MYO3B: variants seen among roughly 807,000 people sequenced by gnomAD.
The protein encoded by MYO3B is myosin IIIB.
MYO3B carries 156 observed loss-of-function variants against 174.6 expected under a neutral mutation model. The observed-to-expected ratio is 0.89, with a 90% CI of 0.78 to 1.02. The LOEUF (loss-of-function observed/expected upper bound fraction) is 1.02. MYO3B is among the 50% of genes least tolerant of loss of function. The pLI, the probability that MYO3B is intolerant of heterozygous loss-of-function variation, is 0.00. For synonymous variants in MYO3B, 563 were observed against 569.1 expected (o/e 0.99, Z 0.15); for missense variants, 1,632 against 1,639.4 (o/e 1.00, Z 0.08).
At chr2:170,183,038 C>G (rs2092422202) in intron 1 of MYO3B, among the ~76,000 whole-genome samples, 1 of 152,148 alleles carries the variant, frequency 6.6e-6, no homozygotes, top group South Asian at 2.1e-4. Flanking sequence ...GGTGGATTGC[C>G]TGAGCTCAGG....
At chr2:170,599,859 C>G (rs1209484693) in intron 32 of MYO3B, among the ~76,000 whole-genome samples, 2 of 152,164 alleles carry the variant, frequency 1.3e-5, no homozygotes, top group Non-Finnish European at 2.9e-5. Context: ...TAAATATTCA[C>G]CCATATTTGC....
At chr2:170,498,571 C>T in intron 25 of MYO3B, 21 bp from the exon 26 acceptor site, 1 of 1,562,476 alleles carries the variant, frequency 6.4e-7, no homozygotes, top group Non-Finnish European at 8.8e-7. Context: ...AAAGGCTTCA[C>T]TTAATTCTTT....
intron 6 of MYO3B, among the ~76,000 whole-genome samples, chr2:170,228,855 G>A (rs1175357504): frequency 6.7e-6 from 1 of 149,914 alleles, no homozygotes. Context: ...CAATTTCATA[G>A]TGTACAAAAT....
chr2:170,489,119 G>T (rs1472999542), intron 25 of MYO3B, among the ~76,000 whole-genome samples: 2 of 152,238 alleles, frequency 1.3e-5, no homozygotes, highest in Admixed American at 6.5e-5. Flanking sequence ...AAAGAAGCCT[G>T]AATTAGAAGA....
At chr2:170,234,207 A>AG (rs1420130948) in intron 6 of MYO3B, among the ~76,000 whole-genome samples, 1 of 134,804 alleles carries the variant, frequency 7.4e-6, no homozygotes, top group African/African-American at 3.7e-5. Context: ...ACAAAAAAAA[A>AG]ACACCTGTTT....
At chr2:170,323,401 T>G (rs142713846) in intron 7 of MYO3B, among the ~76,000 whole-genome samples, 1 of 152,206 alleles carries the variant, frequency 6.6e-6, no homozygotes, top group African/African-American at 2.4e-5. Flanking sequence ...AAGAATAATA[T>G]GCTTGAGTTG....
chr2:170,648,941 A>G (rs1575340597), intron 32 of MYO3B, among the ~76,000 whole-genome samples: 1 of 74,550 alleles, frequency 1.3e-5, no homozygotes, highest in Admixed American at 2.2e-4. Context: ...ATGATATATA[A>G]TATATATAAA....
At position 170,263,473 on chromosome 2, in the gene MYO3B, T is replaced by G. The variant is rs1574676868; in HGVS notation, c.749+27337T>G. ...CCCTCAGTATTTATTGATCGTTATC[T>G]CTACCATCTCGGAGAGGGGGATGTG... On this transcript the variant is annotated intron_variant, in intron 7 of 34. Coordinates refer to ENST00000408978, the MANE Select transcript of MYO3B (RefSeq NM_138995.5). Among the ~76,000 whole-genome samples, 3 of 151,998 alleles carry G rather than the reference T, an allele frequency of 2.0e-5. No homozygotes were observed. The East Asian group carries it at 5.8e-4, about 29-fold the overall frequency.
At chr2:170,419,782 G>T (rs1312286692) in intron 22 of MYO3B, among the ~76,000 whole-genome samples, 1 of 152,140 alleles carries the variant, frequency 6.6e-6, no homozygotes. Flanking sequence ...TAGAGAAGGT[G>T]AGCGGAGAGA....
At chr2:170,184,023 A>ATT (rs150712095) in intron 1 of MYO3B, among the ~76,000 whole-genome samples, 3 of 151,370 alleles carry the variant, frequency 2.0e-5, no homozygotes, top group East Asian at 3.9e-4. Context: ...CTAATAGCTG[A>ATT]TTTTTTTTCT....
At chr2:170,260,528 G>T (rs987716333) in intron 7 of MYO3B, among the ~76,000 whole-genome samples, 11 of 152,310 alleles carry the variant, frequency 7.2e-5, no homozygotes, top group African/African-American at 2.6e-4. Flanking sequence ...ATAAAGATTG[G>T]AACAGTAGAC....
intron 22 of MYO3B, among the ~76,000 whole-genome samples, chr2:170,425,059 C>G (rs532340152): frequency 6.6e-6 from 1 of 152,242 alleles, no homozygotes; most frequent in South Asian, 2.1e-4. Flanking sequence ...ACTCTAAAAT[C>G]TTTTTATAAT....
chr2:170,597,133 C>T (rs2106334811), intron 32 of MYO3B, among the ~76,000 whole-genome samples: 1 of 152,138 alleles, frequency 6.6e-6, no homozygotes, highest in Admixed American at 6.5e-5. Flanking sequence ...ACTACGGAGC[C>T]ACCATGGAAC....
chr2:170,226,660 C>G (rs1190802551), intron 6 of MYO3B, among the ~76,000 whole-genome samples: 5 of 152,074 alleles, frequency 3.3e-5, no homozygotes, highest in Non-Finnish European at 4.4e-5. Context: ...TATGTTATTA[C>G]CCTCTTCCTG....
chr2:170,644,155 A>G (rs1309565224), intron 32 of MYO3B, among the ~76,000 whole-genome samples: 9 of 152,192 alleles, frequency 5.9e-5, no homozygotes, highest in Admixed American at 5.9e-4. Flanking sequence ...ACAAATAGAA[A>G]TGCAGTACAC....
chr2:170,534,688 T>G (rs1188970391), intron 30 of MYO3B, among the ~76,000 whole-genome samples: 1 of 152,168 alleles, frequency 6.6e-6, no homozygotes, highest in African/African-American at 2.4e-5. Context: ...AGTCCTCTCA[T>G]CTTGGCCTCC....
At chr2:170,405,505 T>G in intron 20 of MYO3B, 40 bp from the exon 21 acceptor site, 2 of 1,598,236 alleles carry the variant, frequency 1.3e-6, no homozygotes, top group South Asian at 2.2e-5. Flanking sequence ...AAAGAGGAAA[T>G]AATTCACATT....
intron 22 of MYO3B, among the ~76,000 whole-genome samples, chr2:170,413,195 T>A (rs1479943937): frequency 2.6e-5 from 4 of 152,096 alleles, no homozygotes; most frequent in East Asian, 1.9e-4. Context: ...TGGGTAAACA[T>A]GAGGAAAGAC....
At chr2:170,412,857 C>G (rs2094554642) in intron 22 of MYO3B, among the ~76,000 whole-genome samples, 1 of 152,184 alleles carries the variant, frequency 6.6e-6, no homozygotes, top group African/African-American at 2.4e-5. Context: ...CTCTGATGAG[C>G]CAGCCCCATC....
Sources: gnomAD v4.1 joint callset for allele counts (sites outside exome capture counted in the v4.1 genomes callset) on GRCh38, gnomAD v4.1.1 for gene constraint, MANE v1.5 for transcripts, NCBI Gene and HGNC (gene_info 2026-07-23, HGNC 2026-07-21) for gene names.